Variants in TNRC6B observed in about 807,000 individuals in gnomAD.
TNRC6B encodes the protein trinucleotide repeat-containing gene 6B protein.
In TNRC6B, 52 loss-of-function variants were observed where a neutral mutation model predicts 203.6. The observed-to-expected ratio is 0.26, with a 90% CI of 0.20 to 0.32. The LOEUF is 0.32. TNRC6B is among the 10% of genes least tolerant of loss of function. The probability of loss-of-function intolerance (pLI) is 1.00; values close to 1 mark genes in which losing one functional copy is unlikely to be tolerated. For synonymous variants in TNRC6B, 838 were observed against 845.7 expected (o/e 0.99, Z 0.16); for missense variants, 1,923 against 2,286.2 (o/e 0.84, Z 3.24).
At chr22:40,293,642 G>T (rs2070898728) in intron 12 of TNRC6B, among the ~76,000 whole-genome samples, 1 of 151,872 alleles carries the variant, frequency 6.6e-6, no homozygotes, top group South Asian at 2.1e-4. Flanking sequence ...GGGGAATGGT[G>T]GGGAATAATG....
intron 1 of TNRC6B, among the ~76,000 whole-genome samples, chr22:40,048,091 A>C (rs1358802596): frequency 6.6e-6 from 1 of 152,170 alleles, no homozygotes. Flanking sequence ...TCTCCGTTCT[A>C]CTATCATGTT....
At chr22:40,285,528 G>A (rs1569054310) in intron 11 of TNRC6B, 117 bp from the exon 12 acceptor site, 1 of 1,257,472 alleles carries the variant, frequency 8.0e-7, no homozygotes, top group Non-Finnish European at 1.1e-6. Flanking sequence ...ACAAAATTCT[G>A]TTATTCCATC....
At chr22:40,321,465 T>A in intron 22 of TNRC6B, 2 of 479,414 alleles carry the variant, frequency 4.2e-6, no homozygotes, top group Non-Finnish European at 7.5e-6. Context: ...ACGTAAATAA[T>A]TTGTGAAGTA....
intron 1 of TNRC6B, among the ~76,000 whole-genome samples, chr22:40,225,993 T>G (rs1402271579): frequency 6.6e-6 from 1 of 152,240 alleles, no homozygotes; most frequent in African/African-American, 2.4e-5. Flanking sequence ...ATCAAAATGC[T>G]GTATGTAAAT....
intron 4 of TNRC6B, among the ~76,000 whole-genome samples, chr22:40,170,929 ACC>A (rs2068987191): frequency 7.0e-6 from 1 of 143,466 alleles, no homozygotes; most frequent in Non-Finnish European, 1.5e-5. Flanking sequence ...GTATATATAC[ACC>A]CATATATGTA....
chr22:40,070,672 T>C (rs569296571), intron 1 of TNRC6B, among the ~76,000 whole-genome samples: 2 of 152,272 alleles, frequency 1.3e-5, no homozygotes, highest in South Asian at 4.1e-4. Flanking sequence ...AAAAAAATGG[T>C]ATATTTCAGG....
chr22:40,129,633 T>C (rs1487054675), intron 3 of TNRC6B, among the ~76,000 whole-genome samples: 2 of 152,196 alleles, frequency 1.3e-5, no homozygotes, highest in Admixed American at 1.3e-4. Context: ...ACACCTGGAT[T>C]TGTTTAAGAA....
chr22:40,110,651 C>A (rs192086762), intron 1 of TNRC6B, among the ~76,000 whole-genome samples: 3 of 152,318 alleles, frequency 2.0e-5, no homozygotes, highest in African/African-American at 7.2e-5. Flanking sequence ...GTCATTCCTA[C>A]TTTGGACTGA....
At chr22:40,152,122 AG>A (rs1468353355) in intron 3 of TNRC6B, among the ~76,000 whole-genome samples, 4 of 152,158 alleles carry the variant, frequency 2.6e-5, no homozygotes, top group African/African-American at 9.7e-5. Context: ...AGCTCCTAAA[AG>A]GGTTTTTTGT....
At chr22:40,180,080 A>G (rs1340379725) in intron 1 of TNRC6B, among the ~76,000 whole-genome samples, 1 of 152,214 alleles carries the variant, frequency 6.6e-6, no homozygotes, top group Non-Finnish European at 1.5e-5. Context: ...GTCTGGAACA[A>G]AGTTGTCTCT....
At chr22:40,088,572 C>T (rs1267022422) in intron 1 of TNRC6B, among the ~76,000 whole-genome samples, 1 of 136,474 alleles carries the variant, frequency 7.3e-6, no homozygotes, top group Non-Finnish European at 1.6e-5. Context: ...CCACCATGCC[C>T]GGCGGCTACT....
chr22:40,310,983 T>C lies in TNRC6B; in HGVS notation c.4425T>C (p.Ser1475=). The change falls in exon 17 of 23, where the codon AGT becomes AGC. Residue 1475 remains serine (S), a synonymous_variant. Transcript: ENST00000454349. ...TCGGAAGTAAATCCAGCAATGCCAG[T>C]TGGCCTCCAGGTATTGTCTAGGAAA... The part of the protein sequence containing the change: ...NKIGSKSSNA[S]WPPEFQPGVP... 1.2e-6 allele frequency: 2 copies of C among 1,606,858 alleles called. No individual in the cohort carries two copies. The highest frequency in any genetic ancestry group is 1.7e-5 in the Admixed American group (1 of 59,298).
chr22:40,106,072 T>A (rs73424260), intron 1 of TNRC6B, among the ~76,000 whole-genome samples: 8,682 of 152,160 alleles, frequency 0.057, 798 homozygotes, highest in African/African-American at 0.19. Context: ...TGGATAATTT[T>A]GGTTTTTTTG....
chr22:40,124,697 G>A (rs1445661541), intron 2 of TNRC6B, among the ~76,000 whole-genome samples: 1 of 151,962 alleles, frequency 6.6e-6, no homozygotes, highest in Non-Finnish European at 1.5e-5. Flanking sequence ...TATTATAATG[G>A]AGATTTGTGT....
chr22:40,250,909 C>T (rs1409298558), intron 2 of TNRC6B, among the ~76,000 whole-genome samples: 1 of 149,960 alleles, frequency 6.7e-6, no homozygotes, highest in Non-Finnish European at 1.5e-5. Flanking sequence ...CTCAGTGGGA[C>T]CTCATCGTAT....
chr22:40,197,299 A>T (rs781455355), intron 1 of TNRC6B, among the ~76,000 whole-genome samples: 1 of 150,102 alleles, frequency 6.7e-6, no homozygotes, highest in Non-Finnish European at 1.5e-5. Context: ...TTTTTTTTTG[A>T]GACAGAGTCT....
At chr22:40,299,158 C>CAAAAAAAAAAAAA (rs796432826) in intron 12 of TNRC6B, among the ~76,000 whole-genome samples, 2 of 103,070 alleles carry the variant, frequency 1.9e-5, no homozygotes, top group Admixed American at 9.5e-5. Flanking sequence ...AAAAAAAAAA[C>CAAAAAAAAAAAAA]AAAAAAAAAA....
At chr22:40,298,942 G>A (rs1243734693) in intron 12 of TNRC6B, among the ~76,000 whole-genome samples, 2 of 150,716 alleles carry the variant, frequency 1.3e-5, no homozygotes, top group Admixed American at 6.6e-5. Context: ...CTCCAGCCTG[G>A]GTGAAAGAGC....
intron 1 of TNRC6B, among the ~76,000 whole-genome samples, chr22:40,100,332 C>T (rs1014505669): frequency 2.9e-4 from 44 of 151,834 alleles, no homozygotes; most frequent in African/African-American, 8.2e-4. Flanking sequence ...TCAAGTGATC[C>T]GCCTGCCTTG....
Sources: allele counts gnomAD v4.1 joint callset (sites outside exome capture counted in the v4.1 genomes callset), GRCh38; gene constraint gnomAD v4.1.1; transcripts MANE v1.5; gene names NCBI Gene and HGNC (gene_info 2026-07-23, HGNC 2026-07-21).